VPS13B: variants seen among roughly 807,000 people sequenced by gnomAD.
The protein encoded by VPS13B is intermembrane lipid transfer protein VPS13B.
Under a neutral mutation model 426.4 loss-of-function variants are expected in VPS13B, and 285 were observed. The observed-to-expected ratio is 0.67, with a 90% CI of 0.61 to 0.74. The LOEUF (loss-of-function observed/expected upper bound fraction) is 0.74. VPS13B is among the 30% of genes least tolerant of loss of function. The pLI is 0.00. For missense variants in VPS13B, 4,537 were observed against 4,782.6 expected, an observed-to-expected ratio of 0.95 and a Z score of 1.51; for synonymous variants, 1,676 against 1,676.4, an observed-to-expected ratio of 1.00 and a Z score of 0.01.
At chr8:99,721,369 TCA>T (rs1249554220) in intron 39 of VPS13B, among the ~76,000 whole-genome samples, 1 of 152,208 alleles carries the variant, frequency 6.6e-6, no homozygotes, top group Non-Finnish European at 1.5e-5. Flanking sequence ...TATCATGTGT[TCA>T]CACTCTTCAG....
At chr8:99,683,981 A>G (rs1276844161) in intron 35 of VPS13B, among the ~76,000 whole-genome samples, 1 of 152,230 alleles carries the variant, frequency 6.6e-6, no homozygotes, top group Admixed American at 6.5e-5. Context: ...CTTTTCATAT[A>G]TAGCCTTCAT....
chr8:99,532,955 T>G (rs76199269), intron 30 of VPS13B, among the ~76,000 whole-genome samples: 1 of 149,870 alleles, frequency 6.7e-6, no homozygotes, highest in East Asian at 2.0e-4. Context: ...TTTTTTTTTT[T>G]TTGAGATGGA....
intron 19 of VPS13B, among the ~76,000 whole-genome samples, chr8:99,285,561 T>C (rs754350934): frequency 3.9e-5 from 6 of 152,218 alleles, no homozygotes; most frequent in Middle Eastern, 3.4e-3. Context: ...TTTATATGGA[T>C]CAAAAAGGTA....
intron 6 of VPS13B, among the ~76,000 whole-genome samples, chr8:99,114,011 G>A (rs375907658): frequency 9.2e-5 from 14 of 152,088 alleles, no homozygotes; most frequent in African/African-American, 1.2e-4. Flanking sequence ...CTATGGGTAC[G>A]TAATTTATTT....
intron 31 of VPS13B, among the ~76,000 whole-genome samples, chr8:99,562,566 C>T (rs932244189): frequency 1.3e-5 from 2 of 152,156 alleles, no homozygotes; most frequent in African/African-American, 4.8e-5. Context: ...CCAGTGTGAG[C>T]CACCGCACCT....
chr8:99,543,640 A>G (rs1233268867), intron 30 of VPS13B, among the ~76,000 whole-genome samples: 1 of 150,672 alleles, frequency 6.6e-6, no homozygotes, highest in East Asian at 1.9e-4. Flanking sequence ...ACCCCATCAA[A>G]AAGTGGGCAA....
At chr8:99,022,240 A>AAT (rs879537745) in intron 2 of VPS13B, among the ~76,000 whole-genome samples, 12 of 150,422 alleles carry the variant, frequency 8.0e-5, no homozygotes, top group Admixed American at 1.3e-4. Flanking sequence ...TTTCTACTCA[A>AAT]ATATATATAT....
intron 26 of VPS13B, 109 bp downstream of exon 26, chr8:99,501,967 GTC>G: frequency 8.1e-7 from 1 of 1,241,728 alleles, no homozygotes; most frequent in Non-Finnish European, 1.1e-6. Context: ...CTGTCTGTCT[GTC>G]TGTCTTTCCG....
In VPS13B at chr8:99,556,436, C is replaced by A. The variant is rs112780006; in HGVS notation, c.4746-14C>A. On this transcript the variant is annotated splice_polypyrimidine_tract_variant and intron_variant, in intron 30 of 61. Coordinates refer to ENST00000357162, the MANE Select transcript of VPS13B (RefSeq NM_152564.5). The stretch of plus-strand genomic sequence containing the variant: ...TTCTTGTTTTTATTTTTGTTTTTTT[C>A]GCTGCCTTTACAGGAGAGCCTTGAA... 1.2e-6 allele frequency: 2 copies of A among 1,610,686 alleles called. No homozygotes were observed. The highest frequency in any genetic ancestry group is 1.1e-5 in the South Asian group (1 of 90,892).
At chr8:99,865,872 C>A (rs1299559342) in intron 58 of VPS13B, among the ~76,000 whole-genome samples, 1 of 152,228 alleles carries the variant, frequency 6.6e-6, no homozygotes, top group African/African-American at 2.4e-5. Context: ...CCAGGAACTT[C>A]CATAGCCCAG....
intron 16 of VPS13B, among the ~76,000 whole-genome samples, chr8:99,191,376 C>CTCTT (rs1563593390): frequency 1.4e-5 from 1 of 70,952 alleles, no homozygotes; most frequent in East Asian, 3.7e-4. Context: ...CTCTCTCTCT[C>CTCTT]TTTTTTTTTT....
At chr8:99,841,044 T>C (rs1291785993) in intron 54 of VPS13B, among the ~76,000 whole-genome samples, 1 of 152,214 alleles carries the variant, frequency 6.6e-6, no homozygotes, top group East Asian at 1.9e-4. Flanking sequence ...TTGTTCTGGC[T>C]GAGTCACAAC....
chr8:99,227,883 A>C (rs2132847537), intron 17 of VPS13B, among the ~76,000 whole-genome samples: 1 of 152,270 alleles, frequency 6.6e-6, no homozygotes, highest in Non-Finnish European at 1.5e-5. Context: ...GCCATTGATG[A>C]CCCAATGCTT....
intron 20 of VPS13B, among the ~76,000 whole-genome samples, chr8:99,386,717 A>G (rs968693731): frequency 1.3e-5 from 2 of 152,170 alleles, no homozygotes; most frequent in Admixed American, 6.5e-5. Context: ...ACTACTTGCA[A>G]TACCAATACT....
intron 25 of VPS13B, among the ~76,000 whole-genome samples, chr8:99,493,650 T>G (rs1820732792): frequency 6.6e-6 from 1 of 151,692 alleles, no homozygotes; most frequent in African/African-American, 2.4e-5. Flanking sequence ...CTGGGTGTGG[T>G]GGCGTGTGCC....
chr8:99,846,673 T>C (rs1816001871), intron 54 of VPS13B, among the ~76,000 whole-genome samples: 1 of 152,094 alleles, frequency 6.6e-6, no homozygotes, highest in Admixed American at 6.5e-5. Context: ...CCCTCCAGAG[T>C]CTAGGTTTTT....
intron 30 of VPS13B, among the ~76,000 whole-genome samples, chr8:99,525,255 AC>A (rs1448227474): frequency 2.0e-5 from 3 of 152,186 alleles, no homozygotes; most frequent in African/African-American, 7.2e-5. Flanking sequence ...AATAGAAACA[AC>A]AAAAAGTTAA....
chr8:99,206,530 A>G (rs1814734922), intron 17 of VPS13B, among the ~76,000 whole-genome samples: 1 of 152,224 alleles, frequency 6.6e-6, no homozygotes, highest in Non-Finnish European at 1.5e-5. Context: ...TATGTCGTCA[A>G]CATTGACTTA....
Position 99,161,953 on chromosome 8 carries a change from G to A in VPS13B, c.2208+5210G>A, listed in dbSNP as rs535073172. Reference sequence around the variant, plus strand: ...TCACCATGTTGACCAGGCTGGTCTCGAACTCTTGGCCTCAAATTGATCCTC... The same window carrying A: ...TCACCATGTTGACCAGGCTGGTCTCAAACTCTTGGCCTCAAATTGATCCTC... On this transcript the variant is annotated intron_variant, in intron 15 of 61. Transcript: ENST00000357162. 4.0e-4 allele frequency among the ~76,000 whole-genome samples: 61 copies of A among 152,160 alleles called. 1 individual carries two copies. The highest frequency in any genetic ancestry group is 3.4e-3 in the Middle Eastern group (1 of 294).
Sources: gnomAD v4.1 joint callset for allele counts (sites outside exome capture counted in the v4.1 genomes callset) on GRCh38, gnomAD v4.1.1 for gene constraint, MANE v1.5 for transcripts, NCBI Gene and HGNC (gene_info 2026-07-23, HGNC 2026-07-21) for gene names.